The following SOS2 variants were observed in gnomAD, a reference collection of about 807,000 sequenced individuals.
SOS2 encodes the protein son of sevenless homolog 2.
SOS2 carries 65 observed loss-of-function variants against 148.2 expected under a neutral mutation model. That is an observed-to-expected ratio of 0.44 (90% CI 0.36 to 0.54). SOS2 has a LOEUF of 0.54. Among genes scored for constraint, SOS2 ranks in the 20% least tolerant of loss-of-function variants. The pLI is 0.00. For synonymous variants in SOS2, 539 were observed against 537.1 expected, an observed-to-expected ratio of 1.00 and a Z score of -0.05; for missense variants, 1,341 against 1,590.2, an observed-to-expected ratio of 0.84 and a Z score of 2.67.
At chr14:50,179,004 T>G (rs992651505) in intron 7 of SOS2, among the ~76,000 whole-genome samples, 1 of 152,074 alleles carries the variant, frequency 6.6e-6, no homozygotes, top group Non-Finnish European at 1.5e-5. Flanking sequence ...CCTCCCAAAG[T>G]GCTGGGATTA....
At chr14:50,142,598 C>A (rs550135932) in intron 16 of SOS2, among the ~76,000 whole-genome samples, 5 of 152,276 alleles carry the variant, frequency 3.3e-5, no homozygotes, top group African/African-American at 1.2e-4. Flanking sequence ...TTTTCCCCTG[C>A]TGAAATATCA....
At chr14:50,229,504 A>C (rs1466282931) in intron 1 of SOS2, among the ~76,000 whole-genome samples, 1 of 22,448 alleles carries the variant, frequency 4.5e-5, no homozygotes, top group African/African-American at 9.8e-5. Flanking sequence ...GCCTAACTTG[A>C]AAAAAAAAAA....
intron 1 of SOS2, among the ~76,000 whole-genome samples, chr14:50,217,197 T>C (rs979680811): frequency 2.0e-5 from 3 of 152,106 alleles, no homozygotes; most frequent in Non-Finnish European, 4.4e-5. Context: ...ATGAAGACCT[T>C]TAGCAAAGGA....
At chr14:50,209,337 G>A (rs112655315) in intron 1 of SOS2, among the ~76,000 whole-genome samples, 5 of 144,212 alleles carry the variant, frequency 3.5e-5, no homozygotes, top group African/African-American at 1.2e-4. Context: ...TATTGGTTCT[G>A]CTTCTCTGAA....
intron 1 of SOS2, among the ~76,000 whole-genome samples, chr14:50,221,715 G>A (rs773731970): frequency 2.0e-4 from 30 of 152,162 alleles, no homozygotes; most frequent in Non-Finnish European, 3.5e-4. Context: ...GCATGTGCCT[G>A]CAGTCCTAGC....
intron 1 of SOS2, among the ~76,000 whole-genome samples, chr14:50,221,753 G>C (rs553648300): frequency 6.6e-6 from 1 of 152,068 alleles, no homozygotes; most frequent in African/African-American, 2.4e-5. Flanking sequence ...TGGGAGGATC[G>C]CTTGAGCCTG....
Position 50,118,131 on chromosome 14 carries a change from CAAGA to C in SOS2, c.*209_*212del. 1 of 517,396 alleles carries C rather than the reference CAAGA, an allele frequency of 1.9e-6. No homozygotes were observed. Among genetic ancestry groups the C allele is most frequent in the South Asian group, 2.9e-5 (1 of 33,984 alleles). The allele number at this position is 517,396 out of a possible 1,614,324, so 32.1% of individuals were successfully genotyped here. On this transcript the variant is annotated 3_prime_UTR_variant, in exon 23 of 23. Coordinates refer to ENST00000216373, the MANE Select transcript of SOS2 (RefSeq NM_006939.4). ...TGGCCTTTTGGCAGCACTGAGGATC[CAAGA>C]CAAGGCAATGCTACTGATCACCTGA...
rs776355219 is a variant in SOS2, at chr14:50,166,323, A to G, written c.1069-4714T>C. ...CTGCATCCTCGATGTCCCGGGTTCAAGCGATCCTCCTGCCTTAACCCCCCA... is the reference window on the plus strand; with the variant it reads ...CTGCATCCTCGATGTCCCGGGTTCAGGCGATCCTCCTGCCTTAACCCCCCA... On this transcript the variant is annotated intron_variant, in intron 8 of 22. Transcript: ENST00000216373. Among the ~76,000 whole-genome samples the G allele has an allele frequency of 4.6e-5, 7 of 152,206 alleles. No homozygotes were observed. The East Asian group carries it at 7.7e-4, about 17-fold the overall frequency.
At chr14:50,170,720 A>T (rs1885332945) in intron 8 of SOS2, among the ~76,000 whole-genome samples, 1 of 152,016 alleles carries the variant, frequency 6.6e-6, no homozygotes, top group Non-Finnish European at 1.5e-5. Context: ...TAACAAGTAT[A>T]TAAAAGATAC....
chr14:50,171,942 T>C (rs10144115), intron 8 of SOS2, among the ~76,000 whole-genome samples: 130,854 of 152,120 alleles, frequency 0.86, 56,390 homozygotes, highest in East Asian at 0.91. Context: ...TTTCTCTTGG[T>C]ATACATGTGC....
chr14:50,118,921 G>T, intron 22 of SOS2, 68 bp from the exon 23 acceptor site: 1 of 1,022,722 alleles, frequency 9.8e-7, no homozygotes, highest in Non-Finnish European at 1.3e-6. Context: ...TTTTAAGTCT[G>T]AAAAATTCTT....
At chr14:50,210,774 C>CTA (rs1229069659) in intron 1 of SOS2, among the ~76,000 whole-genome samples, 5 of 150,936 alleles carry the variant, frequency 3.3e-5, no homozygotes, top group Admixed American at 2.0e-4. Flanking sequence ...TTCAAATAGC[C>CTA]TATATATATA....
chr14:50,168,518 C>T (rs1453047551), intron 8 of SOS2, among the ~76,000 whole-genome samples: 3 of 152,090 alleles, frequency 2.0e-5, no homozygotes, highest in East Asian at 3.8e-4. Context: ...CACTGTGCCT[C>T]GCCTATATAC....
At chr14:50,225,733 T>A (rs1887352334) in intron 1 of SOS2, among the ~76,000 whole-genome samples, 1 of 152,186 alleles carries the variant, frequency 6.6e-6, no homozygotes, top group Non-Finnish European at 1.5e-5. Flanking sequence ...CAGGATCTCT[T>A]ATTAGTTTTT....
In SOS2 at chr14:50,175,371, C is replaced by CA. The variant is rs1429180048; in HGVS notation, c.970-820dup. 4.6e-5 allele frequency among the ~76,000 whole-genome samples: 7 copies of CA among 151,240 alleles called. No individual in the cohort carries two copies. In the East Asian group the frequency reaches 1.4e-3, roughly 29 times the overall value. On this transcript the variant is annotated intron_variant, in intron 7 of 22. Transcript: ENST00000216373. Reference sequence around the variant, plus strand: ...AATTTTTACTATCATCCCCCTATAACATTCTTTTGTGAACTCTTTTGCTTG... The same window carrying CA: ...AATTTTTACTATCATCCCCCTATAACAATTCTTTTGTGAACTCTTTTGCTTG...
intron 7 of SOS2, among the ~76,000 whole-genome samples, chr14:50,178,785 G>A (rs1279363620): frequency 6.6e-6 from 1 of 151,094 alleles, no homozygotes; most frequent in East Asian, 1.9e-4. Context: ...CTAGGCTGGA[G>A]TGTAGTGGCA....
At chr14:50,160,143 G>C in intron 9 of SOS2, 57 bp from the exon 10 acceptor site, 1 of 1,322,872 alleles carries the variant, frequency 7.6e-7, no homozygotes, top group Non-Finnish European at 1.0e-6. Flanking sequence ...ATGGTTTCAA[G>C]CATAAACCAT....
chr14:50,199,480 A>G (rs1476904580), intron 4 of SOS2, among the ~76,000 whole-genome samples: 1 of 152,162 alleles, frequency 6.6e-6, no homozygotes, highest in South Asian at 2.1e-4. Context: ...TCTTGTAAGT[A>G]AAAGATTCTT....
At chr14:50,194,083 T>A (rs1301771560) in intron 4 of SOS2, among the ~76,000 whole-genome samples, 1 of 152,126 alleles carries the variant, frequency 6.6e-6, no homozygotes, top group African/African-American at 2.4e-5. Context: ...GACAGTCTCT[T>A]GTGACAAATA....
Sources: allele counts gnomAD v4.1 joint callset (sites outside exome capture counted in the v4.1 genomes callset), GRCh38; gene constraint gnomAD v4.1.1; transcripts MANE v1.5; gene names NCBI Gene and HGNC (gene_info 2026-07-23, HGNC 2026-07-21).